Variants in RAB38 observed in about 807,000 individuals in gnomAD.
RAB38 encodes ras-related protein Rab-38.
In RAB38, 15 loss-of-function variants were observed where a neutral mutation model predicts 18.4. The ratio of observed to expected loss-of-function variants is 0.82; its 90% confidence interval spans 0.55 to 1.26. The LOEUF (loss-of-function observed/expected upper bound fraction) is 1.26, where lower values mean the gene tolerates loss of function less well. RAB38 is among the 50% of genes most tolerant of loss of function. The pLI, the probability that RAB38 is intolerant of heterozygous loss-of-function variation, is 0.00. For missense variants in RAB38, 294 were observed against 267.4 expected, an observed-to-expected ratio of 1.10 and a Z score of -0.69; for synonymous variants, 101 against 104.4, an observed-to-expected ratio of 0.97 and a Z score of 0.20.
intron 1 of RAB38, among the ~76,000 whole-genome samples, chr11:88,151,680 C>T (rs929940490): frequency 1.3e-5 from 2 of 152,196 alleles, no homozygotes; most frequent in Admixed American, 1.3e-4. Context: ...GAACACTTTA[C>T]CCTTAATTTT....
chr11:87,951,366 G>T, the RAB38 span, among the ~76,000 whole-genome samples: 2 of 152,106 alleles, frequency 1.3e-5, no homozygotes, highest in African/African-American at 2.4e-5. Context: ...GGAGTAGTTT[G>T]ATCATCTGAA....
the RAB38 span, among the ~76,000 whole-genome samples, chr11:87,924,030 C>G: frequency 7.5e-6 from 1 of 134,066 alleles, no homozygotes; most frequent in Non-Finnish European, 1.6e-5. Context: ...GAAGTAAATA[C>G]AGACACACAC....
chr11:88,172,091 G>GC (rs1239071926), intron 1 of RAB38, among the ~76,000 whole-genome samples: 1 of 152,244 alleles, frequency 6.6e-6, no homozygotes, highest in Non-Finnish European at 1.5e-5. Flanking sequence ...TCACAGGCCA[G>GC]CAAGTGCAAA....
the RAB38 span, among the ~76,000 whole-genome samples, chr11:87,968,072 G>A: frequency 1.2e-4 from 18 of 152,102 alleles, no homozygotes; most frequent in Non-Finnish European, 2.4e-4. Flanking sequence ...CCTCTTGTTT[G>A]TATTATTTGG....
the RAB38 span, among the ~76,000 whole-genome samples, chr11:88,094,191 G>C: frequency 1.3e-5 from 2 of 151,852 alleles, no homozygotes; most frequent in African/African-American, 4.8e-5. Context: ...AATGAAGCCA[G>C]ATTTGGTGCT....
chr11:87,865,058 A>T, the RAB38 span, among the ~76,000 whole-genome samples: 3 of 151,748 alleles, frequency 2.0e-5, no homozygotes, highest in East Asian at 5.8e-4. Flanking sequence ...ATATGAGGAG[A>T]GACTGATGTG....
the RAB38 span, chr11:87,815,907 C>G: frequency 6.6e-6 from 1 of 152,428 alleles, no homozygotes; most frequent in Non-Finnish European, 1.5e-5. Flanking sequence ...GCACCGTTAG[C>G]ATGAAAATAG....
the RAB38 span, among the ~76,000 whole-genome samples, chr11:88,051,340 A>G: frequency 6.6e-6 from 1 of 152,074 alleles, no homozygotes; most frequent in Admixed American, 6.6e-5. Flanking sequence ...TAGGCAGTAC[A>G]TGCATAGATC....
the RAB38 span, among the ~76,000 whole-genome samples, chr11:88,059,458 A>G: frequency 4.6e-5 from 7 of 152,170 alleles, no homozygotes; most frequent in African/African-American, 1.7e-4. Context: ...TAGAGAAGGT[A>G]TTATTCTTCA....
chr11:88,074,898 A>G, the RAB38 span, among the ~76,000 whole-genome samples: 2 of 152,206 alleles, frequency 1.3e-5, no homozygotes, highest in African/African-American at 2.4e-5. Flanking sequence ...ATAAGCAGGA[A>G]TAGCTAGACT....
chr11:88,120,906 G>A (rs1942620249), intron 2 of RAB38, among the ~76,000 whole-genome samples: 1 of 152,148 alleles, frequency 6.6e-6, no homozygotes, highest in Non-Finnish European at 1.5e-5. Flanking sequence ...AAATATTAGA[G>A]AGGAGGGGAA....
chr11:88,035,231 A>G, the RAB38 span, among the ~76,000 whole-genome samples: 2 of 152,204 alleles, frequency 1.3e-5, no homozygotes, highest in African/African-American at 2.4e-5. Flanking sequence ...TGATGAATAA[A>G]GTTTTTAAAT....
At chr11:87,838,520 A>C in the RAB38 span, among the ~76,000 whole-genome samples, 3 of 152,132 alleles carry the variant, frequency 2.0e-5, no homozygotes, top group African/African-American at 7.2e-5. Flanking sequence ...GTTGGTATTG[A>C]GGTGGTTTTG....
chr11:88,175,176 C>T lies in RAB38; in HGVS notation c.202+7G>A, dbSNP rs1943369655. The T allele has an allele frequency of 1.3e-6, 2 of 1,591,174 alleles. No individual in the cohort carries two copies. The highest frequency in any genetic ancestry group is 1.7e-5 in the Admixed American group (1 of 57,478). ...CTATCCCCCTGACCCCCTCCCCCCG[C>T]GCTCACCTGCGATATCCCAGAGCTG... On this transcript the variant is annotated splice_region_variant and intron_variant, in intron 1 of 2. Coordinates refer to ENST00000243662, the MANE Select transcript of RAB38 (RefSeq NM_022337.3).
At chr11:87,932,323 G>C in the RAB38 span, among the ~76,000 whole-genome samples, 1 of 152,040 alleles carries the variant, frequency 6.6e-6, no homozygotes. Context: ...TTCAGGCTGA[G>C]AAGCAACAAC....
the RAB38 span, among the ~76,000 whole-genome samples, chr11:87,962,339 G>T: frequency 6.6e-6 from 1 of 152,130 alleles, no homozygotes; most frequent in Admixed American, 6.6e-5. Flanking sequence ...ATATGTGACT[G>T]CATGAATGAA....
chr11:87,948,899 C>G, the RAB38 span, among the ~76,000 whole-genome samples: 1 of 151,996 alleles, frequency 6.6e-6, no homozygotes, highest in African/African-American at 2.4e-5. Context: ...TGATGCTGGC[C>G]TCATAAAATG....
the RAB38 span, among the ~76,000 whole-genome samples, chr11:88,106,321 A>G: frequency 5.3e-5 from 8 of 152,202 alleles, no homozygotes; most frequent in East Asian, 1.3e-3. Flanking sequence ...AAGGAGTCCA[A>G]TGAATACAAA....
chr11:88,112,228 T>C (rs751796700), downstream of RAB38, among the ~76,000 whole-genome samples: 1 of 152,226 alleles, frequency 6.6e-6, no homozygotes, highest in Non-Finnish European at 1.5e-5. Context: ...ATCCATTTCA[T>C]CCTGCAACAC....
Sources: gnomAD v4.1 joint callset for allele counts (sites outside exome capture counted in the v4.1 genomes callset) on GRCh38, gnomAD v4.1.1 for gene constraint, MANE v1.5 for transcripts, NCBI Gene and HGNC (gene_info 2026-07-23, HGNC 2026-07-21) for gene names.